The following FBXO45 variants were observed in gnomAD, a reference collection of about 807,000 sequenced individuals.
FBXO45 encodes the protein F-box/SPRY domain-containing protein 1.
A neutral mutation model predicts 25.5 loss-of-function variants in FBXO45; 3 were observed. The observed-to-expected ratio is 0.12, with a 90% CI of 0.05 to 0.30. The LOEUF (loss-of-function observed/expected upper bound fraction) is 0.30, where lower values mean the gene tolerates loss of function less well. Ranked by LOEUF, FBXO45 falls within the 10% of genes least tolerant of loss-of-function variation. The pLI, the probability that FBXO45 is intolerant of heterozygous loss-of-function variation, is 1.00. For synonymous variants in FBXO45, 155 were observed against 149.8 expected, an observed-to-expected ratio of 1.03 and a Z score of -0.25; for missense variants, 219 against 365.0, an observed-to-expected ratio of 0.60 and a Z score of 3.26.
intron 2 of FBXO45, among the ~76,000 whole-genome samples, chr3:196,580,088 G>T (rs141553260): frequency 0.027 from 4,101 of 151,950 alleles, 151 homozygotes; most frequent in African/African-American, 0.083. Context: ...CACCTCCCAG[G>T]TTCAAGTGAT....
chr3:196,580,526 T>C (rs913386883), intron 2 of FBXO45, among the ~76,000 whole-genome samples: 1 of 152,016 alleles, frequency 6.6e-6, no homozygotes, highest in African/African-American at 2.4e-5. Flanking sequence ...GGTTTCTCCA[T>C]GTTGGTCAGG....
In FBXO45 at chr3:196,586,375, G is replaced by A. The variant is rs1736111008; in HGVS notation, c.*2057G>A. ...GCTGAGTGGAAAACCGAAACACATG[G>A]TTATTGCGTATTGGACCTAGAATGA... On this transcript the variant is annotated 3_prime_UTR_variant, in exon 3 of 3. Coordinates refer to ENST00000311630, the MANE Select transcript of FBXO45 (RefSeq NM_001105573.2). 6.6e-6 allele frequency: 1 copy of A among 152,150 alleles called. No individual in the cohort carries two copies. The highest frequency in any genetic ancestry group is 6.5e-5 in the Admixed American group (1 of 15,270). 9.4% of individuals were successfully genotyped at this position (152,150 alleles called of 1,614,324 possible).
At chr3:196,576,419 G>A (rs1371013199) in intron 1 of FBXO45, among the ~76,000 whole-genome samples, 5 of 152,110 alleles carry the variant, frequency 3.3e-5, no homozygotes, top group Middle Eastern at 3.2e-3. Context: ...GTAGTGACTC[G>A]AACCTGTAAC....
At chr3:196,576,796 C>T (rs1410544457) in intron 1 of FBXO45, among the ~76,000 whole-genome samples, 1 of 152,072 alleles carries the variant, frequency 6.6e-6, no homozygotes, top group Non-Finnish European at 1.5e-5. Context: ...TTGTGTAAGT[C>T]ATATCCAGCA....
chr3:196,572,720 A>G (rs1288303627), intron 1 of FBXO45, among the ~76,000 whole-genome samples: 4 of 152,222 alleles, frequency 2.6e-5, no homozygotes, highest in African/African-American at 4.8e-5. Context: ...TGACTTTAGT[A>G]TGGAGAACTA....
intron 2 of FBXO45, among the ~76,000 whole-genome samples, chr3:196,578,087 C>CT (rs1246189276): frequency 1.5e-5 from 2 of 134,696 alleles, no homozygotes; most frequent in African/African-American, 2.8e-5. Context: ...GTTGCCCAGG[C>CT]TAGAGTGCAG....
rs2108731317 is a variant in FBXO45 at position 196,588,943 on chromosome 3, A to C, written c.*4625A>C. On this transcript the variant is annotated 3_prime_UTR_variant, in exon 3 of 3. Transcript: ENST00000311630. The surrounding 1 kb of genome is among the most constrained non-coding windows in gnomAD (Gnocchi z 4.2). ...ATTTAGCCACTCCCCTCTACTCAAAAATACTGGTAAACTCTGATTTTTATA... is the reference window on the plus strand; with the variant it reads ...ATTTAGCCACTCCCCTCTACTCAAACATACTGGTAAACTCTGATTTTTATA... 6.6e-6 allele frequency: 1 copy of C among 152,314 alleles called. No homozygotes were observed. Among genetic ancestry groups the C allele is most frequent in the Middle Eastern group, 3.4e-3 (1 of 292 alleles). 9.4% of individuals were successfully genotyped at this position (152,314 alleles called of 1,614,324 possible).
chr3:196,583,611 GTTAACC>G (rs1254974960), intron 2 of FBXO45, among the ~76,000 whole-genome samples: 1 of 151,874 alleles, frequency 6.6e-6, no homozygotes, highest in Admixed American at 6.6e-5. Context: ...AGATTTTAGT[GTTAACC>G]TTAAGAAAAA....
At chr3:196,574,114 T>C (rs1735874434) in intron 1 of FBXO45, among the ~76,000 whole-genome samples, 1 of 152,070 alleles carries the variant, frequency 6.6e-6, no homozygotes, top group African/African-American at 2.4e-5. Flanking sequence ...TTTGTATTTT[T>C]AGTAGAGACA....
rs568740126 is a variant in FBXO45 at position 196,568,738 on chromosome 3, G to A, written c.-247G>A. 8.5e-4 allele frequency: 134 copies of A among 158,276 alleles called. No homozygotes were observed. The highest frequency in any genetic ancestry group is 1.5e-3 in the Non-Finnish European group (108 of 73,554). The allele number at this position is 158,276 out of a possible 1,614,324, so 9.8% of individuals were successfully genotyped here. ...GAGGCCGGGCGAGTCGGGCGGTTTC[G>A]GCGCCCGCGCTGAGCCGCGGAGGAG... On this transcript the variant is annotated 5_prime_UTR_variant, in exon 1 of 3. Transcript: ENST00000311630.
chr3:196,571,869 T>C (rs1735831493), intron 1 of FBXO45, among the ~76,000 whole-genome samples: 1 of 152,242 alleles, frequency 6.6e-6, no homozygotes, highest in South Asian at 2.1e-4. Flanking sequence ...CTTGAATATT[T>C]TGAGGATAAA....
chr3:196,570,453 C>T (rs1309375441), intron 1 of FBXO45, among the ~76,000 whole-genome samples: 1 of 151,946 alleles, frequency 6.6e-6, no homozygotes, highest in Non-Finnish European at 1.5e-5. Flanking sequence ...GTTAGGCTGG[C>T]CTCGAACTCC....
Position 196,584,304 on chromosome 3 carries a change from C to G in FBXO45, c.847C>G (p.Pro283Ala). The change falls in exon 3 of 3, where the codon CCT becomes GCT. Residue 283 changes from proline (P) to alanine (A), a missense_variant. Pro to Ala is a conservative substitution (Grantham distance 27). Coordinates refer to ENST00000311630, the MANE Select transcript of FBXO45 (RefSeq NM_001105573.2). This position sits in a 1 kb window ranked among gnomAD's most constrained non-coding sequence, Gnocchi z 4.3. Reference sequence around the variant, plus strand: ...AGTGACTTTGGTTTACCTTGGAAAACCTTTGGACGGATGACAGTGGCTTTC... The same window carrying G: ...AGTGACTTTGGTTTACCTTGGAAAAGCTTTGGACGGATGACAGTGGCTTTC... ...TEVTLVYLGK[P>A]LDG 1 of 1,604,936 alleles carries G rather than the reference C, an allele frequency of 6.2e-7. No individual in the cohort carries two copies. Among genetic ancestry groups the G allele is most frequent in the Admixed American group, 1.8e-5 (1 of 57,124 alleles).
At chr3:196,578,185 C>A (rs1160641410) in intron 2 of FBXO45, among the ~76,000 whole-genome samples, 2 of 151,520 alleles carry the variant, frequency 1.3e-5, no homozygotes, top group African/African-American at 2.4e-5. Context: ...TACAGGCGCC[C>A]ACCACCATGC....
intron 2 of FBXO45, among the ~76,000 whole-genome samples, chr3:196,582,776 A>G (rs1185865204): frequency 6.6e-6 from 1 of 152,216 alleles, no homozygotes; most frequent in East Asian, 1.9e-4. Flanking sequence ...TATATTCTAC[A>G]TTAGAATTTG....
At chr3:196,575,373 G>A (rs1453085352) in intron 1 of FBXO45, among the ~76,000 whole-genome samples, 2 of 150,352 alleles carry the variant, frequency 1.3e-5, no homozygotes, top group Non-Finnish European at 3.0e-5. Flanking sequence ...CAGGAGAATC[G>A]CTTGAACCCA....
chr3:196,581,650 A>G (rs1736014654), intron 2 of FBXO45, among the ~76,000 whole-genome samples: 1 of 152,136 alleles, frequency 6.6e-6, no homozygotes, highest in Admixed American at 6.6e-5. Context: ...TCTTTACCAA[A>G]TCCAACACTT....
rs1735748089 is a variant in FBXO45 at position 196,569,563 on chromosome 3, C to T, written c.318+261C>T. Among the ~76,000 whole-genome samples, 1 of 152,194 alleles carries T rather than the reference C, an allele frequency of 6.6e-6. No homozygotes were observed. The highest frequency in any genetic ancestry group is 2.4e-5 in the African/African-American group (1 of 41,446). ...TTTGCCTCACTCATTCAACTTTTGA[C>T]AGTTTTCCCCGTTAAAGACAGACCA... On this transcript the variant is annotated intron_variant, in intron 1 of 2. Coordinates refer to ENST00000311630, the MANE Select transcript of FBXO45 (RefSeq NM_001105573.2). The surrounding 1 kb of genome is among the most constrained non-coding windows in gnomAD (Gnocchi z 4.1).
At chr3:196,575,843 A>G (rs1735903943) in intron 1 of FBXO45, among the ~76,000 whole-genome samples, 1 of 151,698 alleles carries the variant, frequency 6.6e-6, no homozygotes, top group Non-Finnish European at 1.5e-5. Flanking sequence ...CGCCCAGCTA[A>G]TTTTTTGTAT....
Sources: allele counts gnomAD v4.1 joint callset (sites outside exome capture counted in the v4.1 genomes callset), GRCh38; gene constraint gnomAD v4.1.1; non-coding constraint Gnocchi (gnomAD v3.1); transcripts MANE v1.5; gene names NCBI Gene and HGNC (gene_info 2026-07-23, HGNC 2026-07-21).